The following SPAG1 variants were observed in gnomAD, a reference collection of about 807,000 sequenced individuals.
SPAG1 encodes the protein sperm-associated antigen 1.
In SPAG1, 69 loss-of-function variants were observed where a neutral mutation model predicts 100.5. The observed-to-expected ratio is 0.69, with a 90% CI of 0.57 to 0.84. The LOEUF (loss-of-function observed/expected upper bound fraction) is 0.84, where lower values mean the gene tolerates loss of function less well. Among genes scored for constraint, SPAG1 ranks in the 40% least tolerant of loss-of-function variants. The probability of loss-of-function intolerance (pLI) is 0.00; values close to 1 mark genes in which losing one functional copy is unlikely to be tolerated. For synonymous variants in SPAG1, 336 were observed against 411.6 expected, an observed-to-expected ratio of 0.82 and a Z score of 2.22; for missense variants, 955 against 1,133.1, an observed-to-expected ratio of 0.84 and a Z score of 2.26.
chr8:100,225,666 G>A (rs919699465), intron 14 of SPAG1, among the ~76,000 whole-genome samples: 42 of 151,860 alleles, frequency 2.8e-4, no homozygotes, highest in African/African-American at 9.7e-4. Context: ...GTAGAGACAG[G>A]GTTTCACCAT....
chr8:100,219,242 TAAAG>T (rs1818151171), intron 12 of SPAG1, among the ~76,000 whole-genome samples: 1 of 152,192 alleles, frequency 6.6e-6, no homozygotes, highest in African/African-American at 2.4e-5. Context: ...AACAGCAAGT[TAAAG>T]AAAGCAGCCC....
At chr8:100,165,722 C>T in intron 2 of SPAG1, 92 bp from the exon 3 acceptor site, 3 of 1,007,866 alleles carry the variant, frequency 3.0e-6, no homozygotes, top group Non-Finnish European at 2.9e-6. Context: ...TCCACAGAAC[C>T]TCAGGGTTCC....
chr8:100,161,507 A>G (rs1021509918), intron 1 of SPAG1, among the ~76,000 whole-genome samples: 5 of 152,202 alleles, frequency 3.3e-5, no homozygotes, highest in African/African-American at 1.2e-4. Flanking sequence ...GGATGTAACA[A>G]AAGCCCACCA....
At chr8:100,166,057 T>C in intron 3 of SPAG1, 84 bp downstream of exon 3, 2 of 1,268,862 alleles carry the variant, frequency 1.6e-6, no homozygotes, top group Admixed American at 2.4e-5. Context: ...CCTAGGCTTC[T>C]TGTTTGTCCG....
At chr8:100,177,154 T>G (rs1319156803) in intron 3 of SPAG1, among the ~76,000 whole-genome samples, 2 of 152,150 alleles carry the variant, frequency 1.3e-5, no homozygotes, top group Non-Finnish European at 2.9e-5. Context: ...ATGGGTCCCA[T>G]GGTGTTATTT....
At chr8:100,213,063 T>C (rs1408823361) in intron 10 of SPAG1, 27 bp from the exon 11 acceptor site, 2 of 1,426,974 alleles carry the variant, frequency 1.4e-6, no homozygotes, top group Non-Finnish European at 1.8e-6. Flanking sequence ...ATGCAAACCC[T>C]CACTTCCCGC....
At chr8:100,184,342 A>C (rs1816496130) in intron 6 of SPAG1, among the ~76,000 whole-genome samples, 1 of 151,886 alleles carries the variant, frequency 6.6e-6, no homozygotes, top group South Asian at 2.1e-4. Flanking sequence ...CAAATTCCTA[A>C]AATTGTTTTC....
chr8:100,215,541 G>T (rs916855336), intron 12 of SPAG1, among the ~76,000 whole-genome samples: 70 of 152,128 alleles, frequency 4.6e-4, no homozygotes, highest in Middle Eastern at 3.4e-3. Context: ...TTGTTTTTTT[G>T]TTTTGTTTTG....
chr8:100,213,058 A>C, intron 10 of SPAG1, 32 bp from the exon 11 acceptor site: 2 of 1,414,726 alleles, frequency 1.4e-6, no homozygotes, highest in South Asian at 1.4e-5. Context: ...CGGTGATGCA[A>C]ACCCTCACTT....
chr8:100,193,907 A>AT (rs542390832), intron 9 of SPAG1, among the ~76,000 whole-genome samples: 112 of 151,648 alleles, frequency 7.4e-4, no homozygotes, highest in Middle Eastern at 3.4e-3. Context: ...TTTTTTCTTT[A>AT]TTTTTTATAC....
chr8:100,167,168 AAAAC>A (rs1222805565), intron 3 of SPAG1, among the ~76,000 whole-genome samples: 1 of 152,100 alleles, frequency 6.6e-6, no homozygotes, highest in African/African-American at 2.4e-5. Flanking sequence ...AAAAAAAACA[AAAAC>A]AAACAAACAA....
chr8:100,176,292 AGTT>A (rs1816111126), intron 3 of SPAG1, among the ~76,000 whole-genome samples: 1 of 151,780 alleles, frequency 6.6e-6, no homozygotes, highest in South Asian at 2.1e-4. Context: ...TTTTGCTTTA[AGTT>A]GTCATATAAT....
chr8:100,220,930 A>T (rs1818245664), intron 13 of SPAG1, among the ~76,000 whole-genome samples: 1 of 151,962 alleles, frequency 6.6e-6, no homozygotes, highest in Admixed American at 6.6e-5. Flanking sequence ...AAAATTAGCC[A>T]GGTGTGGTGG....
chr8:100,194,049 A>T (rs1816924885), intron 9 of SPAG1, 63 bp from the exon 10 acceptor site: 1 of 1,198,780 alleles, frequency 8.3e-7, no homozygotes, highest in African/African-American at 1.6e-5. Flanking sequence ...TTTTAACCTG[A>T]AAGAATGGTT....
At chr8:100,183,008 T>C (rs1402358164) in intron 4 of SPAG1, among the ~76,000 whole-genome samples, 1 of 152,140 alleles carries the variant, frequency 6.6e-6, no homozygotes, top group African/African-American at 2.4e-5. Context: ...CAGTTTCTCT[T>C]TGTCACCCAG....
chr8:100,183,161 C>T (rs995332608), intron 4 of SPAG1, among the ~76,000 whole-genome samples: 2 of 151,830 alleles, frequency 1.3e-5, no homozygotes, highest in African/African-American at 4.8e-5. Context: ...TTAGTAGAGA[C>T]GGGGTTTCAC....
intron 2 of SPAG1, among the ~76,000 whole-genome samples, chr8:100,164,262 AT>A (rs1815445920): frequency 6.6e-6 from 1 of 152,222 alleles, no homozygotes; most frequent in African/African-American, 2.4e-5. Flanking sequence ...TATTGAATTT[AT>A]GAGCTTAATA....
chr8:100,197,802 A>G (rs1586460107), intron 10 of SPAG1, among the ~76,000 whole-genome samples: 1 of 152,196 alleles, frequency 6.6e-6, no homozygotes, highest in Non-Finnish European at 1.5e-5. Context: ...TAACTGATGA[A>G]TTTAATTTAA....
intron 4 of SPAG1, 145 bp downstream of exon 4, chr8:100,178,086 C>T (rs1011831707): frequency 1.8e-5 from 10 of 564,882 alleles, no homozygotes; most frequent in African/African-American, 3.7e-5. Context: ...TGGGAACTAT[C>T]GGCTGGGAAC....
Sources: gnomAD v4.1 joint callset for allele counts (sites outside exome capture counted in the v4.1 genomes callset) on GRCh38, gnomAD v4.1.1 for gene constraint, MANE v1.5 for transcripts, NCBI Gene and HGNC (gene_info 2026-07-23, HGNC 2026-07-21) for gene names.